The following ATRNL1 variants were observed in gnomAD, a reference collection of about 807,000 sequenced individuals.
The protein encoded by ATRNL1 is attractin-like protein 1.
ATRNL1 carries 95 observed loss-of-function variants against 182.7 expected under a neutral mutation model. The observed-to-expected ratio is 0.52, with a 90% CI of 0.44 to 0.62. ATRNL1 has a LOEUF of 0.62. Among genes scored for constraint, ATRNL1 ranks in the 20% least tolerant of loss-of-function variants. The probability of loss-of-function intolerance (pLI) is 0.00; values close to 1 mark genes in which losing one functional copy is unlikely to be tolerated. For synonymous variants in ATRNL1, 576 were observed against 568.3 expected (o/e 1.01, Z -0.19); for missense variants, 1,471 against 1,679.5 (o/e 0.88, Z 2.17).
At chr10:115,416,093 A>C (rs1437344828) in intron 20 of ATRNL1, among the ~76,000 whole-genome samples, 1 of 152,116 alleles carries the variant, frequency 6.6e-6, no homozygotes, top group East Asian at 1.9e-4. Context: ...ATCTCATTGG[A>C]GTTTTCATTG....
chr10:115,868,008 T>C (rs1951479159), intron 28 of ATRNL1, among the ~76,000 whole-genome samples: 1 of 152,066 alleles, frequency 6.6e-6, no homozygotes, highest in South Asian at 2.1e-4. Context: ...AAGCTATCCA[T>C]CTGCCTCAGC....
Position 115,160,024 on chromosome 10 carries a change from A to ATTTT in ATRNL1, c.830-9_830-6dup. 7.2e-7 allele frequency: 1 copy of ATTTT among 1,389,768 alleles called. No homozygotes were observed. The highest frequency in any genetic ancestry group is 2.1e-5 in the Admixed American group (1 of 48,000). The allele number at this position is 1,389,768 out of a possible 1,614,324, so 86.1% of individuals were successfully genotyped here. A position where few individuals can be genotyped will look rare whatever the true frequency, so the allele number is the denominator to read the frequency against. On this transcript the variant is annotated splice_polypyrimidine_tract_variant and intron_variant, in intron 5 of 28. Transcript: ENST00000355044. ...TTTGTTTAATCTAGTGTGTTGTTTC[A>ATTTT]TTTTTTTTTTAATAGGTCCTGATTG... is the stretch of plus-strand genomic sequence containing the variant.
intron 26 of ATRNL1, among the ~76,000 whole-genome samples, chr10:115,574,755 T>A (rs1379976344): frequency 6.6e-6 from 1 of 152,192 alleles, no homozygotes. Flanking sequence ...CTCAGCCCTG[T>A]TATTGACTAC....
chr10:115,173,748 G>A (rs139066879), intron 8 of ATRNL1, among the ~76,000 whole-genome samples: 2 of 151,548 alleles, frequency 1.3e-5, no homozygotes, highest in Admixed American at 6.6e-5. Context: ...CTCATCTGTC[G>A]TTAATATTGC....
chr10:115,431,832 G>A (rs1846181777), intron 21 of ATRNL1, among the ~76,000 whole-genome samples: 1 of 151,900 alleles, frequency 6.6e-6, no homozygotes, highest in South Asian at 2.1e-4. Context: ...ATTTTATAGG[G>A]ATTTTTTTCT....
chr10:115,602,091 C>T (rs781844448), intron 26 of ATRNL1, among the ~76,000 whole-genome samples: 12 of 152,002 alleles, frequency 7.9e-5, no homozygotes, highest in South Asian at 2.1e-4. Flanking sequence ...CAGTGGCTCA[C>T]GCCTGTAACC....
chr10:115,242,179 A>G (rs1228633997), intron 10 of ATRNL1, among the ~76,000 whole-genome samples: 1 of 152,052 alleles, frequency 6.6e-6, no homozygotes, highest in Non-Finnish European at 1.5e-5. Flanking sequence ...GGAATCTGAT[A>G]GAACTAGAGA....
At chr10:115,556,674 C>T (rs1408052193) in intron 26 of ATRNL1, among the ~76,000 whole-genome samples, 1 of 152,004 alleles carries the variant, frequency 6.6e-6, no homozygotes, top group Non-Finnish European at 1.5e-5. Context: ...AGGGGTTACC[C>T]CACTGCATTT....
In ATRNL1 at chr10:115,119,322, A is replaced by G. The variant is rs540983578; in HGVS notation, c.294-863A>G. Among the ~76,000 whole-genome samples the G allele has an allele frequency of 3.9e-5, 6 of 152,090 alleles. No homozygotes were observed. The South Asian group carries it at 1.2e-3, about 32-fold the overall frequency. ...AAAATTTAATTTTATCTAAAAGTAG[A>G]TAATGGCCCTGATATGTATATGTGT... On this transcript the variant is annotated intron_variant, in intron 1 of 28. Transcript: ENST00000355044.
At chr10:115,814,523 A>T (rs76338984) in intron 27 of ATRNL1, among the ~76,000 whole-genome samples, 2 of 152,318 alleles carry the variant, frequency 1.3e-5, no homozygotes, top group Non-Finnish European at 2.9e-5. Context: ...ATAGTTATAT[A>T]GACATATGTG....
At chr10:115,535,360 A>T (rs1252721222) in intron 25 of ATRNL1, among the ~76,000 whole-genome samples, 1 of 151,292 alleles carries the variant, frequency 6.6e-6, no homozygotes, top group African/African-American at 2.4e-5. Context: ...CATTCATTTC[A>T]TCTTCCATCA....
At chr10:115,266,392 G>C (rs2133882919) in intron 11 of ATRNL1, among the ~76,000 whole-genome samples, 1 of 151,584 alleles carries the variant, frequency 6.6e-6, no homozygotes, top group East Asian at 1.9e-4. Context: ...AGTGTGTCTT[G>C]TCCATGTATA....
At chr10:115,161,865 G>A (rs1262832234) in intron 6 of ATRNL1, among the ~76,000 whole-genome samples, 1 of 152,030 alleles carries the variant, frequency 6.6e-6, no homozygotes, top group Admixed American at 6.6e-5. Context: ...GATAGGATAA[G>A]TCATAACTTG....
At chr10:115,209,842 T>A (rs1592263699) in intron 8 of ATRNL1, among the ~76,000 whole-genome samples, 2 of 152,116 alleles carry the variant, frequency 1.3e-5, no homozygotes, top group Non-Finnish European at 1.5e-5. Flanking sequence ...AGAATGTGAC[T>A]CAAATTAATC....
chr10:115,832,419 T>C (rs1950580081), intron 27 of ATRNL1, among the ~76,000 whole-genome samples: 1 of 152,210 alleles, frequency 6.6e-6, no homozygotes, highest in African/African-American at 2.4e-5. Context: ...TAGAAAACCC[T>C]TTCTGTTGTG....
chr10:115,360,161 A>G (rs544781600), intron 19 of ATRNL1, among the ~76,000 whole-genome samples: 2 of 151,876 alleles, frequency 1.3e-5, no homozygotes, highest in Non-Finnish European at 3.0e-5. Flanking sequence ...AGAAAAAAAT[A>G]ACTACCCTTA....
At chr10:115,843,820 G>A (rs1267134060) in intron 27 of ATRNL1, among the ~76,000 whole-genome samples, 10 of 151,992 alleles carry the variant, frequency 6.6e-5, no homozygotes, top group Admixed American at 4.6e-4. Context: ...TTACTCTAGA[G>A]GATAAGTCAG....
chr10:115,322,259 T>A (rs1186817876), intron 18 of ATRNL1, among the ~76,000 whole-genome samples: 1 of 151,786 alleles, frequency 6.6e-6, no homozygotes, highest in East Asian at 1.9e-4. Context: ...CTTTATATAA[T>A]TTTATATCTT....
At chr10:115,490,663 A>G (rs1484450090) in intron 24 of ATRNL1, among the ~76,000 whole-genome samples, 4 of 151,986 alleles carry the variant, frequency 2.6e-5, no homozygotes, top group African/African-American at 7.2e-5. Context: ...GCATTGAGTT[A>G]TGCTCCTCCA....
Sources: allele counts gnomAD v4.1 joint callset (sites outside exome capture counted in the v4.1 genomes callset), GRCh38; gene constraint gnomAD v4.1.1; transcripts MANE v1.5; gene names NCBI Gene and HGNC (gene_info 2026-07-23, HGNC 2026-07-21).